IRF8: variants seen among roughly 807,000 people sequenced by gnomAD.
IRF8 encodes interferon regulatory factor 8.
Under a neutral mutation model 48.7 loss-of-function variants are expected in IRF8, and 14 were observed. The observed-to-expected ratio is 0.29, with a 90% CI of 0.19 to 0.45. The LOEUF (loss-of-function observed/expected upper bound fraction) is 0.45. Among genes scored for constraint, IRF8 ranks in the 20% least tolerant of loss-of-function variants. The probability of loss-of-function intolerance (pLI) is 1.00; values close to 1 mark genes in which losing one functional copy is unlikely to be tolerated. For missense variants in IRF8, 493 were observed against 580.7 expected (o/e 0.85, Z 1.55); for synonymous variants, 278 against 227.3 (o/e 1.22, Z -2.01).
chr16:85,908,466 G>A (rs1905062618), intron 2 of IRF8, among the ~76,000 whole-genome samples: 2 of 152,154 alleles, frequency 1.3e-5, no homozygotes, highest in South Asian at 4.1e-4. Context: ...GAAAAGTCTA[G>A]AATAAATGCA....
At chr16:85,915,068 C>T (rs1905259264) in intron 6 of IRF8, among the ~76,000 whole-genome samples, 1 of 152,236 alleles carries the variant, frequency 6.6e-6, no homozygotes, top group Non-Finnish European at 1.5e-5. Flanking sequence ...TCAGGCTCCC[C>T]TGCCCACCAC....
At chr16:85,919,710 C>T (rs903034929) in intron 7 of IRF8, among the ~76,000 whole-genome samples, 6 of 152,224 alleles carry the variant, frequency 3.9e-5, no homozygotes, top group Admixed American at 2.6e-4. Flanking sequence ...GCCGGTCCAC[C>T]GGCCCACTTT....
chr16:85,906,168 A>T (rs1350377525), intron 2 of IRF8, among the ~76,000 whole-genome samples: 1 of 152,254 alleles, frequency 6.6e-6, no homozygotes, highest in African/African-American at 2.4e-5. Flanking sequence ...CTCATTCAGC[A>T]GGCCTTGAAG....
intron 6 of IRF8, 42 bp downstream of exon 6, chr16:85,914,562 G>A: frequency 6.2e-7 from 1 of 1,611,408 alleles, no homozygotes; most frequent in Non-Finnish European, 8.5e-7. Flanking sequence ...GGCACTGTTT[G>A]AAGACAAAGC....
At chr16:85,904,737 G>C (rs1462090802) in intron 2 of IRF8, among the ~76,000 whole-genome samples, 5 of 150,278 alleles carry the variant, frequency 3.3e-5, no homozygotes, top group African/African-American at 1.2e-4. Flanking sequence ...TCAGCACCAA[G>C]AAGTTTTGTG....
At chr16:85,911,435 CT>C (rs1905138611) in intron 3 of IRF8, 134 bp from the exon 4 acceptor site, 1 of 767,060 alleles carries the variant, frequency 1.3e-6, no homozygotes, top group Non-Finnish European at 2.2e-6. Flanking sequence ...AATTCTGTGC[CT>C]TTCCCAAACC....
intron 1 of IRF8, among the ~76,000 whole-genome samples, chr16:85,900,110 T>C (rs1904782435): frequency 6.6e-6 from 1 of 152,220 alleles, no homozygotes; most frequent in African/African-American, 2.4e-5. Flanking sequence ...GGAAGGTTGG[T>C]GCCAGAGAGA....
chr16:85,918,832 C>A (rs1223490084), intron 7 of IRF8, 29 bp downstream of exon 7: 5 of 1,602,658 alleles, frequency 3.1e-6, no homozygotes, highest in African/African-American at 1.3e-5. Context: ...TTGCTGCCCC[C>A]ACATCTTAGA....
intron 1 of IRF8, among the ~76,000 whole-genome samples, chr16:85,900,612 G>A (rs1038737299): frequency 2.2e-4 from 33 of 152,204 alleles, no homozygotes; most frequent in Admixed American, 1.9e-3. Context: ...TGCCGCTGGC[G>A]TTGGGGCGCC....
rs16939945 is a variant in IRF8 at position 85,911,643 on chromosome 16, C to T, written c.432C>T (p.Asp144=). Residue 144 remains aspartate, a synonymous_variant, in exon 4 of 9, where the codon GAC becomes GAT. Transcript: ENST00000268638. ...TGGAGTGCGGTCGCTCTGAAATCGA[C>T]GAGCTGATCAAGGAGGTAAGCAGAG... ...TEMECGRSEI[D]ELIKEPSVDD... The T allele has an allele frequency of 0.027, 42,784 of 1,613,594 alleles. 653 individuals are homozygous for T. Among genetic ancestry groups the T allele is most frequent in the African/African-American group, 0.032 (2,396 of 74,996 alleles).
chr16:85,917,826 G>A (rs1169162902), intron 6 of IRF8, among the ~76,000 whole-genome samples: 1 of 152,218 alleles, frequency 6.6e-6, no homozygotes, highest in Admixed American at 6.5e-5. Flanking sequence ...CACTTTTGGG[G>A]AACCCCTGCT....
chr16:85,910,756 C>T (rs1465731403), intron 3 of IRF8, among the ~76,000 whole-genome samples: 1 of 152,184 alleles, frequency 6.6e-6, no homozygotes, highest in African/African-American at 2.4e-5. Context: ...GGTGGGCGCC[C>T]CACCTGCTCC....
chr16:85,921,030 G>A, intron 8 of IRF8, 76 bp from the exon 9 acceptor site: 3 of 1,465,366 alleles, frequency 2.0e-6, no homozygotes, highest in Non-Finnish European at 2.8e-6. Context: ...CAGAGGACCT[G>A]GCTAGGGTCA....
At chr16:85,908,121 C>T (rs1474499212) in intron 2 of IRF8, among the ~76,000 whole-genome samples, 3 of 152,210 alleles carry the variant, frequency 2.0e-5, no homozygotes, top group Non-Finnish European at 4.4e-5. Flanking sequence ...TGAATGGGAT[C>T]GGGATGTCCC....
chr16:85,921,387 G>A lies in IRF8; in HGVS notation c.*105G>A. 1.6e-6 allele frequency: 2 copies of A among 1,258,104 alleles called. No individual in the cohort carries two copies. Among genetic ancestry groups the A allele is most frequent in the East Asian group, 2.3e-5 (1 of 43,176 alleles). 77.9% of individuals were successfully genotyped at this position (1,258,104 alleles called of 1,614,324 possible). On this transcript the variant is annotated 3_prime_UTR_variant, in exon 9 of 9. Transcript: ENST00000268638. ...ATGTGGATCCCTCTGTCTGGGGTGG[G>A]ATGCCTTACTTTGCACTTAATTTAA...
At chr16:85,902,684 G>A in intron 1 of IRF8, 1 of 372,228 alleles carries the variant, frequency 2.7e-6, no homozygotes, top group Non-Finnish European at 5.1e-6. Context: ...GGCTAAAACT[G>A]GAGCTGTTCA....
At chr16:85,908,483 C>A (rs1486073219) in intron 2 of IRF8, among the ~76,000 whole-genome samples, 1 of 152,152 alleles carries the variant, frequency 6.6e-6, no homozygotes, top group African/African-American at 2.4e-5. Context: ...TGCAAAAATG[C>A]AAAACAAAAT....
In IRF8 at chr16:85,921,465, T is replaced by A; in HGVS notation, c.*183T>A. 1 of 680,930 alleles carries A rather than the reference T, an allele frequency of 1.5e-6. No individual in the cohort carries two copies. Among genetic ancestry groups the A allele is most frequent in the South Asian group, 1.7e-5 (1 of 59,394 alleles). 42.2% of individuals were successfully genotyped at this position (680,930 alleles called of 1,614,324 possible). On this transcript the variant is annotated 3_prime_UTR_variant, in exon 9 of 9. Transcript: ENST00000268638. The stretch of plus-strand genomic sequence containing the variant: ...TTAATACGAAGTGGCGGCATAGCCC[T>A]GCCGAGATGTCGGTGATGGCCTGGA...
At chr16:85,919,404 C>T (rs12929551) in intron 7 of IRF8, among the ~76,000 whole-genome samples, 19,001 of 152,192 alleles carry the variant, frequency 0.12, 1,433 homozygotes, top group Middle Eastern at 0.23. Context: ...CTCCCTGTAG[C>T]AGCACAGCCC....
Sources: allele counts gnomAD v4.1 joint callset (sites outside exome capture counted in the v4.1 genomes callset), GRCh38; gene constraint gnomAD v4.1.1; transcripts MANE v1.5; gene names NCBI Gene and HGNC (gene_info 2026-07-23, HGNC 2026-07-21).